The following TBC1D31 variants were observed in gnomAD, a reference collection of about 807,000 sequenced individuals.
TBC1D31 encodes TBC1 domain family member 31.
TBC1D31 carries 99 observed loss-of-function variants against 132.9 expected under a neutral mutation model. The ratio of observed to expected loss-of-function variants is 0.74; its 90% CI spans 0.63 to 0.88. The LOEUF (loss-of-function observed/expected upper bound fraction) is 0.88, where lower values mean the gene tolerates loss of function less well. TBC1D31 is among the 40% of genes least tolerant of loss of function. The pLI is 0.00. For missense variants in TBC1D31, 1,134 were observed against 1,256.6 expected, an observed-to-expected ratio of 0.90 and a Z score of 1.48; for synonymous variants, 385 against 419.4, an observed-to-expected ratio of 0.92 and a Z score of 1.00.
At chr8:123,095,990 A>G (rs1214490364) in intron 5 of TBC1D31, among the ~76,000 whole-genome samples, 1 of 152,124 alleles carries the variant, frequency 6.6e-6, no homozygotes, top group Non-Finnish European at 1.5e-5. Flanking sequence ...AAATTGGTCA[A>G]TTTGTTTTTA....
At chr8:123,163,127 T>C in the TBC1D31 span, among the ~76,000 whole-genome samples, 2 of 152,042 alleles carry the variant, frequency 1.3e-5, no homozygotes, top group Non-Finnish European at 2.9e-5. Flanking sequence ...GCCCGGCCCA[T>C]TGGGTATATT....
chr8:123,106,995 A>T (rs575557151), intron 8 of TBC1D31, among the ~76,000 whole-genome samples: 1 of 152,296 alleles, frequency 6.6e-6, no homozygotes, highest in African/African-American at 2.4e-5. Flanking sequence ...AATATTGTCT[A>T]CCAGGGAAAT....
intron 2 of TBC1D31, among the ~76,000 whole-genome samples, chr8:123,077,666 C>T (rs1394568644): frequency 1.3e-5 from 2 of 151,906 alleles, no homozygotes. Flanking sequence ...GCTAGTTTGT[C>T]AATTTCTGGT....
At chr8:123,142,144 A>T in intron 18 of TBC1D31, 118 bp from the exon 19 acceptor site, 1 of 644,674 alleles carries the variant, frequency 1.6e-6, no homozygotes, top group Non-Finnish European at 2.4e-6. Flanking sequence ...GGTGATTCTA[A>T]TATGCAGCCA....
In TBC1D31 at chr8:123,109,514, C is replaced by A; in HGVS notation, c.1330C>A (p.His444Asn). The A allele has an allele frequency of 6.2e-7, 1 of 1,613,944 alleles. No homozygotes were observed. The highest frequency in any genetic ancestry group is 8.5e-7 in the Non-Finnish European group (1 of 1,179,936). ...WRSLLQLPEN[H>N]TAFSTLIDKG... ...CTCTCTGCTACAACTGCCTGAAAAT[C>A]ATACTGCGTTTAGTACCCTCATAGA... The change falls in exon 10 of 22, where the codon CAT becomes AAT. Residue 444 changes from histidine to asparagine, a missense_variant. Coordinates refer to ENST00000287380, the MANE Select transcript of TBC1D31 (RefSeq NM_145647.4).
chr8:123,072,946 C>A, intron 1 of TBC1D31, 100 bp downstream of exon 1: 1 of 1,231,586 alleles, frequency 8.1e-7, no homozygotes, highest in Non-Finnish European at 1.1e-6. Flanking sequence ...TGGCTCTGAC[C>A]TTGCCCCGCA....
In TBC1D31 at chr8:123,128,497, G is replaced by T; in HGVS notation, c.2101G>T (p.Asp701Tyr). 6.2e-7 allele frequency: 1 copy of T among 1,600,840 alleles called. No individual in the cohort carries two copies. The highest frequency in any genetic ancestry group is 1.1e-5 in the South Asian group (1 of 90,716). Reference protein sequence around the residue: ...ERERIRNDELDYLRERQTVED... With the variant: ...ERERIRNDELYYLRERQTVED... ...AGAAAGAATAAGGAATGATGAATTG[G>T]ATTACTTAAGAGAGAGGTAATTATG... The change falls in exon 14 of 22, where the codon GAT (aspartate) becomes TAT (tyrosine). Residue 701 changes from aspartate (D) to tyrosine (Y), a missense_variant. Physicochemically the swap from Asp to Tyr is radical, Grantham distance 160 (BLOSUM62 -3). Transcript: ENST00000287380.
intron 11 of TBC1D31, among the ~76,000 whole-genome samples, chr8:123,120,453 C>A (rs1246510331): frequency 6.6e-6 from 1 of 152,158 alleles, no homozygotes; most frequent in Non-Finnish European, 1.5e-5. Context: ...AGGCGGATCA[C>A]CTGAGGTCAG....
rs762228912 is a variant in TBC1D31, at chr8:123,151,945, A to G, written c.*6A>G. The stretch of plus-strand genomic sequence containing the variant: ...CTCATCTTTTGGCTGCATAGAATGC[A>G]TGTCACCTTGAGACGGTCGAGAGAG... On this transcript the variant is annotated 3_prime_UTR_variant, in exon 22 of 22. Transcript: ENST00000287380. The G allele has an allele frequency of 1.3e-6, 2 of 1,521,762 alleles. No individual in the cohort carries two copies. The highest frequency in any genetic ancestry group is 1.8e-6 in the Non-Finnish European group (2 of 1,137,616). 94.3% of individuals were successfully genotyped at this position (1,521,762 alleles called of 1,614,324 possible).
intron 13 of TBC1D31, among the ~76,000 whole-genome samples, chr8:123,127,261 ATTT>A (rs35198781): frequency 4.3e-5 from 3 of 69,912 alleles, no homozygotes; most frequent in African/African-American, 1.2e-4. Context: ...TGCTTTTTGC[ATTT>A]TTTTTTTTTT....
intron 7 of TBC1D31, chr8:123,102,887 A>G (rs1473971876): frequency 1.3e-5 from 2 of 152,274 alleles, no homozygotes; most frequent in South Asian, 2.1e-4. Flanking sequence ...CTGAAGCGCT[A>G]TTTATTGTTT....
intron 4 of TBC1D31, among the ~76,000 whole-genome samples, chr8:123,089,689 CAG>C (rs1482273346): frequency 1.3e-5 from 2 of 152,206 alleles, no homozygotes; most frequent in Non-Finnish European, 2.9e-5. Flanking sequence ...GCCTGGGCGA[CAG>C]AGTGAGCTCC....
In TBC1D31 at chr8:123,140,771, A is replaced by C. The variant is rs374464251; in HGVS notation, c.2510A>C (p.Glu837Ala). 6.9e-6 allele frequency: 11 copies of C among 1,600,438 alleles called. No individual in the cohort carries two copies. The highest frequency in any genetic ancestry group is 5.4e-5 in the African/African-American group (4 of 73,734). ...QKRLYEKNLT[E>A]NQEALAKEMR... ...AAATGATTTTAACAGAATCTTACTG[A>C]AAATCAAGAAGCTCTTGCAAAAGAA... Residue 837 changes from glutamate (E) to alanine (A), a missense_variant, in exon 18 of 22, where the codon GAA (glutamate) becomes GCA (alanine). Coordinates refer to ENST00000287380, the MANE Select transcript of TBC1D31 (RefSeq NM_145647.4).
At chr8:123,082,857 A>G in intron 3 of TBC1D31, 40 bp downstream of exon 3, 1 of 1,400,490 alleles carries the variant, frequency 7.1e-7, no homozygotes, top group Non-Finnish European at 1.0e-6. Context: ...GCAGAGTAAA[A>G]TATAAACTGA....
In TBC1D31 at chr8:123,126,047, C is replaced by G; in HGVS notation, c.1571-9C>G. Reference sequence around the variant, plus strand: ...TTTAAAGATATGTTTTCTTTTTTTTCCTTCATAGTCAATTGGTGTCAACAC... The same window carrying G: ...TTTAAAGATATGTTTTCTTTTTTTTGCTTCATAGTCAATTGGTGTCAACAC... On this transcript the variant is annotated splice_polypyrimidine_tract_variant and intron_variant, in intron 11 of 21. Coordinates refer to ENST00000287380, the MANE Select transcript of TBC1D31 (RefSeq NM_145647.4). The G allele has an allele frequency of 2.6e-6, 4 of 1,548,674 alleles. No individual in the cohort carries two copies. The highest frequency in any genetic ancestry group is 3.5e-6 in the Non-Finnish European group (4 of 1,150,944).
the TBC1D31 span, among the ~76,000 whole-genome samples, chr8:123,164,390 G>C: frequency 6.6e-6 from 1 of 152,130 alleles, no homozygotes; most frequent in Non-Finnish European, 1.5e-5. Context: ...TGTGGCAGAG[G>C]GTGCAGAGTC....
At chr8:123,102,824 T>C (rs1817572914) in intron 7 of TBC1D31, 1 of 152,324 alleles carries the variant, frequency 6.6e-6, no homozygotes, top group African/African-American at 2.4e-5. Flanking sequence ...TTTTTTGCAT[T>C]TTGAAGCTTT....
intron 17 of TBC1D31, among the ~76,000 whole-genome samples, chr8:123,140,524 A>G (rs1037992359): frequency 1.3e-5 from 2 of 152,164 alleles, no homozygotes; most frequent in African/African-American, 2.4e-5. Context: ...CAGAATGCTG[A>G]AGAAGTTCAT....
chr8:123,151,759 A>T, intron 21 of TBC1D31, 47 bp from the exon 22 acceptor site: 1 of 1,512,838 alleles, frequency 6.6e-7, no homozygotes, highest in Non-Finnish European at 8.8e-7. Flanking sequence ...TATCACCGCT[A>T]ACATCAGAAA....
Sources: allele counts gnomAD v4.1 joint callset (sites outside exome capture counted in the v4.1 genomes callset), GRCh38; gene constraint gnomAD v4.1.1; transcripts MANE v1.5; gene names NCBI Gene and HGNC (gene_info 2026-07-23, HGNC 2026-07-21).